BCL9L: variants seen among roughly 807,000 people sequenced by gnomAD.
BCL9L encodes B-cell CLL/lymphoma 9-like protein.
BCL9L carries 19 observed loss-of-function variants against 99.4 expected under a neutral mutation model. That is an observed-to-expected ratio of 0.19 (90% CI 0.13 to 0.28). The LOEUF is 0.28. BCL9L is among the 10% of genes least tolerant of loss of function. The pLI, the probability that BCL9L is intolerant of heterozygous loss-of-function variation, is 1.00. For missense variants in BCL9L, 2,023 were observed against 2,101.6 expected (o/e 0.96, Z 0.73); for synonymous variants, 900 against 854.8 (o/e 1.05, Z -0.92).
rs1232496529 is a variant in BCL9L at position 118,898,192 on chromosome 11, C to T, written c.*223G>A. ...GTGGGGGAGGGGCAGTCCTGGTGGC[C>T]GAAATGGAACCAACCCCAATGCAAA... On this transcript the variant is annotated 3_prime_UTR_variant, in exon 10 of 10. Coordinates refer to ENST00000683865, the MANE Select transcript of BCL9L (RefSeq NM_001378213.1). 22 of 639,900 alleles carry T rather than the reference C, an allele frequency of 3.4e-5. No homozygotes were observed. The highest frequency in any genetic ancestry group is 3.4e-4 in the Admixed American group (11 of 32,372). 39.6% of individuals were successfully genotyped at this position (639,900 alleles called of 1,614,324 possible).
At chr11:118,912,787 G>A (rs1242480993) in intron 2 of BCL9L, among the ~76,000 whole-genome samples, 25 of 152,152 alleles carry the variant, frequency 1.6e-4, no homozygotes, top group Non-Finnish European at 1.5e-5. Flanking sequence ...GTGAGGAAAT[G>A]TTTTGGAGGG....
At chr11:118,907,257 A>G (rs1002241142) in intron 5 of BCL9L, among the ~76,000 whole-genome samples, 5 of 152,058 alleles carry the variant, frequency 3.3e-5, no homozygotes, top group Non-Finnish European at 2.9e-5. Flanking sequence ...GAAGGAGGCC[A>G]CTCCACTCTG....
At chr11:118,913,138 G>A (rs1052923044) in intron 2 of BCL9L, among the ~76,000 whole-genome samples, 17 of 152,142 alleles carry the variant, frequency 1.1e-4, no homozygotes, top group African/African-American at 3.9e-4. Context: ...CATGGCCCTG[G>A]TTCCTAGTAG....
At chr11:118,911,304 C>T (rs969689829) in intron 2 of BCL9L, 33 of 454,512 alleles carry the variant, frequency 7.3e-5, no homozygotes, top group Admixed American at 2.4e-4. Flanking sequence ...GTGCACACTC[C>T]TGATGCTCCC....
rs922159575 is a variant in BCL9L at position 118,901,510 on chromosome 11, C to T, written c.2233G>A (p.Gly745Ser). 1 of 1,614,122 alleles carries T rather than the reference C, an allele frequency of 6.2e-7. No homozygotes were observed. Among genetic ancestry groups the T allele is most frequent in the African/African-American group, 1.3e-5 (1 of 75,054 alleles). ...GTPMGMEFGG[G>S]RGLLSPPMGQ... ...ATGGGAGGGCTCAGGAGGCCCCGGC[C>T]TCCACCAAACTCCATGCCCATGGGA... The change falls in exon 8 of 10, where the codon GGC (glycine) becomes AGC (serine). Residue 745 changes from glycine to serine, a missense_variant. This residue lies in a region of BCL9L where 1,116 missense variants were observed against 1,194.6 expected (regional missense o/e 0.93). Transcript: ENST00000683865. The surrounding 1 kb of genome is among the most constrained non-coding windows in gnomAD (Gnocchi z 6.6).
At chr11:118,919,615 C>T (rs928252886) in intron 1 of BCL9L, among the ~76,000 whole-genome samples, 5 of 152,086 alleles carry the variant, frequency 3.3e-5, no homozygotes, top group African/African-American at 1.2e-4. Flanking sequence ...AAGCTGCTAA[C>T]CACCCCTCCC....
Position 118,898,007 on chromosome 11 carries a change from G to T in BCL9L, c.*408C>A, listed in dbSNP as rs1273700055. ...GGAGCTCCAGCAATGCGGACACGAG[G>T]AGACAGGAGCAGAAGGGGCTGGGGG... On this transcript the variant is annotated 3_prime_UTR_variant, in exon 10 of 10. Coordinates refer to ENST00000683865, the MANE Select transcript of BCL9L (RefSeq NM_001378213.1). 7.2e-6 allele frequency: 3 copies of T among 414,124 alleles called. No individual in the cohort carries two copies. Among genetic ancestry groups the T allele is most frequent in the East Asian group, 6.3e-5 (1 of 15,856 alleles). The allele number at this position is 414,124 out of a possible 1,614,324, so 25.7% of individuals were successfully genotyped here.
At position 118,900,999 on chromosome 11, in the gene BCL9L, G is replaced by C. The variant is rs746679037; in HGVS notation, c.2744C>G (p.Ser915Trp). ...APNRGLGRRP[S>W]DLTISINQMG... Reference sequence around the variant, plus strand: ...CTGATTAATACTGATGGTGAGGTCCGAAGGCCGCCTGCCTAGCCCCCGGTT... The same window carrying C: ...CTGATTAATACTGATGGTGAGGTCCCAAGGCCGCCTGCCTAGCCCCCGGTT... The change falls in exon 8 of 10, where the codon TCG becomes TGG. Residue 915 changes from serine to tryptophan, a missense_variant. Physicochemically the swap from Ser to Trp is radical, Grantham distance 177 (BLOSUM62 -3). Around this residue, in one of 3 missense-constraint regions of BCL9L, gnomAD observed 902 missense variants for 888.2 expected, o/e 1.02. Transcript: ENST00000683865. This position sits in a 1 kb window ranked among gnomAD's most constrained non-coding sequence, Gnocchi z 5.3. 13 of 1,554,828 alleles carry C rather than the reference G, an allele frequency of 8.4e-6. No homozygotes were observed. The highest frequency in any genetic ancestry group is 1.0e-5 in the Non-Finnish European group (12 of 1,149,518).
intron 2 of BCL9L, chr11:118,911,181 C>G (rs777446784): frequency 3.1e-5 from 14 of 454,400 alleles, no homozygotes; most frequent in Non-Finnish European, 5.8e-5. Flanking sequence ...CCTGGCTCCC[C>G]CCTCGCCTCC....
rs1387973024 is a variant in BCL9L at position 118,902,498 on chromosome 11, T to A, written c.1245A>T (p.Arg415=). ...EHRERSLQTL[R]DIERLLLRSG... ...TGCGGAGCAGCAGTCGCTCAATGTC[T>A]CGCAGCGTCTGGAGGGACCGTTCCC... is the stretch of plus-strand genomic sequence containing the variant. The change falls in exon 8 of 10, where the codon CGA becomes CGT. Residue 415 remains arginine, a synonymous_variant. Transcript: ENST00000683865. The surrounding 1 kb of genome is among the most constrained non-coding windows in gnomAD (Gnocchi z 7.8). 6.2e-7 allele frequency: 1 copy of A among 1,609,046 alleles called. No individual in the cohort carries two copies. Among genetic ancestry groups the A allele is most frequent in the Non-Finnish European group, 8.5e-7 (1 of 1,179,724 alleles).
At chr11:118,910,096 C>A in intron 2 of BCL9L, 81 bp from the exon 3 acceptor site, 1 of 980,530 alleles carries the variant, frequency 1.0e-6, no homozygotes, top group Non-Finnish European at 1.5e-6. Context: ...GAGGACCCAA[C>A]AGCCCTGGGA....
In BCL9L at chr11:118,908,300, C is replaced by T. The variant is rs762502680; in HGVS notation, c.382G>A (p.Gly128Arg). 1.3e-6 allele frequency: 2 copies of T among 1,571,130 alleles called. No individual in the cohort carries two copies. Among genetic ancestry groups the T allele is most frequent in the Non-Finnish European group, 1.7e-6 (2 of 1,156,216 alleles). ...SVDSGEQREA[G>R]TPSLDSEAKE... ...GCCTCTGAATCCAGGGATGGGGTCC[C>T]AGCCTCTCGCTGCTCTCCAGAGTCC... Residue 128 changes from glycine (G) to arginine (R), a missense_variant, in exon 4 of 10, where the codon GGG (glycine) becomes AGG (arginine). Transcript: ENST00000683865.
chr11:118,909,122 T>C (rs1940665445), intron 3 of BCL9L, among the ~76,000 whole-genome samples: 1 of 152,186 alleles, frequency 6.6e-6, no homozygotes, highest in Admixed American at 6.5e-5. Flanking sequence ...TCACTGCACA[T>C]GCCCGGGTCT....
intron 2 of BCL9L, among the ~76,000 whole-genome samples, chr11:118,912,039 C>T (rs2134427117): frequency 6.6e-6 from 1 of 152,384 alleles, no homozygotes; most frequent in Admixed American, 6.5e-5. Flanking sequence ...CTCTCTCCCA[C>T]CCCGCCGCAG....
rs55879348 is a variant in BCL9L, at chr11:118,921,599, AG to A, written c.-130-2721del. ...CAGAGGGAGTCCCAGCTCTGGTGGAAGGGGGCCTAGAATAAAACACCAGGGT... is the reference window on the plus strand; with the variant it reads ...CAGAGGGAGTCCCAGCTCTGGTGGAAGGGGCCTAGAATAAAACACCAGGGT... On this transcript the variant is annotated intron_variant, in intron 1 of 9. Transcript: ENST00000683865. The surrounding 1 kb of genome is among the most constrained non-coding windows in gnomAD (Gnocchi z 5.4). Among the ~76,000 whole-genome samples the A allele has an allele frequency of 0.018, 2,730 of 152,198 alleles. 68 individuals carry two copies. Among genetic ancestry groups the A allele is most frequent in the East Asian group, 0.13 (675 of 5,172 alleles).
chr11:118,898,294 G>GCCCCCAC lies in BCL9L; in HGVS notation c.*120_*121insGTGGGGG. 1 of 452,312 alleles carries GCCCCCAC rather than the reference G, an allele frequency of 2.2e-6. No individual in the cohort carries two copies. The highest frequency in any genetic ancestry group is 2.1e-5 in the South Asian group (1 of 47,946). The allele number at this position is 452,312 out of a possible 1,614,324, so 28.0% of individuals were successfully genotyped here. A position where few individuals can be genotyped will look rare whatever the true frequency, so the allele number is the denominator to read the frequency against. ...TCCACAAATGCCACTCCCTACACAAGCCCCCTCCCACCCCCTCCACCCCAC... is the reference window on the plus strand; with the variant it reads ...TCCACAAATGCCACTCCCTACACAAGCCCCCACCCCCCTCCCACCCCCTCCACCCCAC... On this transcript the variant is annotated 3_prime_UTR_variant, in exon 10 of 10. Transcript: ENST00000683865.
At position 118,899,156 on chromosome 11, in the gene BCL9L, C is replaced by A. The variant is rs1011911228; in HGVS notation, c.3759G>T (p.Gln1253His). The A allele has an allele frequency of 5.3e-6, 8 of 1,498,992 alleles. No individual in the cohort carries two copies. Among genetic ancestry groups the A allele is most frequent in the Non-Finnish European group, 7.1e-6 (8 of 1,121,040 alleles). 92.9% of individuals were successfully genotyped at this position (1,498,992 alleles called of 1,614,324 possible). ...GGGGGGPGLQ[Q>H]HYPSGMALPP... is the part of the protein sequence containing the mutation. Reference sequence around the variant, plus strand: ...GCAGGGCCATGCCTGACGGGTAGTGCTGCTGCAGGCCAGGCCCCCCGCCCC... The same window carrying A: ...GCAGGGCCATGCCTGACGGGTAGTGATGCTGCAGGCCAGGCCCCCCGCCCC... The change falls in exon 10 of 10, where the codon CAG becomes CAT. Residue 1253 changes from glutamine to histidine, a missense_variant. By Grantham distance (24) the Gln-to-His change is conservative (BLOSUM62 0). This residue lies in a region of BCL9L where 902 missense variants were observed against 888.2 expected (regional missense o/e 1.02). Transcript: ENST00000683865.
intron 2 of BCL9L, 63 bp from the exon 3 acceptor site, chr11:118,910,078 G>A (rs1247686873): frequency 1.7e-6 from 2 of 1,164,832 alleles, no homozygotes; most frequent in East Asian, 5.1e-5. Context: ...GAGGGGGAGG[G>A]GAGAAGGGAG....
chr11:118,915,103 C>T (rs1940925066), intron 2 of BCL9L, among the ~76,000 whole-genome samples: 1 of 152,002 alleles, frequency 6.6e-6, no homozygotes, highest in African/African-American at 2.4e-5. Flanking sequence ...CACTGCACTC[C>T]AGCCTGGGCA....
Sources: allele counts gnomAD v4.1 joint callset (sites outside exome capture counted in the v4.1 genomes callset), GRCh38; gene constraint gnomAD v4.1.1; regional missense constraint gnomAD v4.1.1; non-coding constraint Gnocchi (gnomAD v3.1); transcripts MANE v1.5; gene names NCBI Gene and HGNC (gene_info 2026-07-23, HGNC 2026-07-21).